PRKD1: variants seen among roughly 807,000 people sequenced by gnomAD.
The protein encoded by PRKD1 is serine/threonine-protein kinase D1.
A neutral mutation model predicts 95.9 loss-of-function variants in PRKD1; 63 were observed. The ratio of observed to expected loss-of-function variants is 0.66; its 90% CI spans 0.54 to 0.81. The LOEUF is 0.81. PRKD1 is among the 30% of genes least tolerant of loss of function. PRKD1 has a pLI of 0.00. For synonymous variants in PRKD1, 425 were observed against 423.1 expected (o/e 1.00, Z -0.05); for missense variants, 1,048 against 1,165.3 (o/e 0.90, Z 1.47).
At chr14:29,779,590 G>A (rs1888945840) in intron 1 of PRKD1, among the ~76,000 whole-genome samples, 1 of 152,032 alleles carries the variant, frequency 6.6e-6, no homozygotes, top group Admixed American at 6.6e-5. Flanking sequence ...GGGATGTGAA[G>A]GACCTCTTCC....
intron 13 of PRKD1, among the ~76,000 whole-genome samples, chr14:29,623,605 C>G (rs968464395): frequency 6.6e-6 from 1 of 152,124 alleles, no homozygotes; most frequent in Non-Finnish European, 1.5e-5. Flanking sequence ...ACCTTTATCA[C>G]ATAATACATT....
intron 1 of PRKD1, among the ~76,000 whole-genome samples, chr14:29,917,240 A>T (rs1051454232): frequency 2.0e-5 from 3 of 152,194 alleles, no homozygotes; most frequent in African/African-American, 7.2e-5. Context: ...TTCCATAATC[A>T]TCCTGTAATT....
In PRKD1 at chr14:29,582,520, T is replaced by C. The variant is rs191971321; in HGVS notation, c.2435-4160A>G. ...ATCTGTTAGTTTCTTCAATATGTAG[T>C]GTGTCCAGCTCTGAACATTTACCCA... On this transcript the variant is annotated intron_variant, in intron 16 of 17. Transcript: ENST00000331968. 3.5e-4 allele frequency among the ~76,000 whole-genome samples: 54 copies of C among 152,330 alleles called. 1 individual carries two copies. The highest frequency in any genetic ancestry group is 6.8e-3 in the Middle Eastern group (2 of 294).
chr14:29,840,052 T>G (rs781053455), intron 1 of PRKD1, among the ~76,000 whole-genome samples: 2 of 152,140 alleles, frequency 1.3e-5, no homozygotes, highest in Non-Finnish European at 2.9e-5. Context: ...GCAGCCACCT[T>G]GAATTTCTCC....
Position 29,596,363 on chromosome 14 carries a change from C to T in PRKD1, c.2434+1128G>A, listed in dbSNP as rs142753855. 6.6e-5 allele frequency among the ~76,000 whole-genome samples: 10 copies of T among 152,246 alleles called. No individual in the cohort carries two copies. In the East Asian group the frequency reaches 1.9e-3, roughly 29 times the overall value. Reference sequence around the variant, plus strand: ...GATATTGCCTGTAAACTAGAAAAGACGTAGGGCTAGTACTGAAAAAAAGTA... The same window carrying T: ...GATATTGCCTGTAAACTAGAAAAGATGTAGGGCTAGTACTGAAAAAAAGTA... On this transcript the variant is annotated intron_variant, in intron 16 of 17. Coordinates refer to ENST00000331968, the MANE Select transcript of PRKD1 (RefSeq NM_002742.3).
intron 16 of PRKD1, among the ~76,000 whole-genome samples, chr14:29,592,978 A>G (rs1181910250): frequency 6.6e-6 from 1 of 152,180 alleles, no homozygotes; most frequent in East Asian, 1.9e-4. Flanking sequence ...AATATCCTGG[A>G]TAAGAGCATC....
chr14:29,673,040 C>G (rs984660872), intron 2 of PRKD1, among the ~76,000 whole-genome samples: 5 of 152,160 alleles, frequency 3.3e-5, no homozygotes, highest in Admixed American at 1.3e-4. Context: ...CGTGAAGGAT[C>G]CTTTATTTCT....
intron 1 of PRKD1, among the ~76,000 whole-genome samples, chr14:29,895,601 C>T (rs75015513): frequency 0.02 from 2,979 of 152,126 alleles, 47 homozygotes; most frequent in East Asian, 0.053. Flanking sequence ...TGAAGTGTCC[C>T]GCGAGGCCCT....
intron 1 of PRKD1, among the ~76,000 whole-genome samples, chr14:29,841,338 T>C (rs1304193137): frequency 6.6e-6 from 1 of 152,072 alleles, no homozygotes; most frequent in Admixed American, 6.6e-5. Context: ...ACATGAGATT[T>C]TGGATGGGCC....
chr14:29,788,139 T>C (rs1889358828), intron 1 of PRKD1, among the ~76,000 whole-genome samples: 1 of 152,190 alleles, frequency 6.6e-6, no homozygotes, highest in African/African-American at 2.4e-5. Context: ...TTTGCTTGTC[T>C]GAAAAATAAT....
chr14:29,711,806 A>G (rs1885346533), intron 2 of PRKD1, among the ~76,000 whole-genome samples: 1 of 152,132 alleles, frequency 6.6e-6, no homozygotes, highest in Non-Finnish European at 1.5e-5. Context: ...TATTTTAGTA[A>G]GTTTGTGTCA....
intron 1 of PRKD1, among the ~76,000 whole-genome samples, chr14:29,798,066 T>C (rs747495521): frequency 6.6e-6 from 1 of 152,202 alleles, no homozygotes; most frequent in Non-Finnish European, 1.5e-5. Context: ...TATTTAAATA[T>C]AAAGGATTGG....
chr14:29,749,578 C>A (rs915677705), intron 1 of PRKD1, among the ~76,000 whole-genome samples: 1 of 152,142 alleles, frequency 6.6e-6, no homozygotes, highest in Non-Finnish European at 1.5e-5. Context: ...ACATTTAACT[C>A]AACTGTTTAC....
intron 1 of PRKD1, among the ~76,000 whole-genome samples, chr14:29,887,347 T>C (rs1893748926): frequency 6.6e-6 from 1 of 152,220 alleles, no homozygotes; most frequent in African/African-American, 2.4e-5. Context: ...ATGCCCTCTA[T>C]ATTGCATGAA....
chr14:29,648,681 G>A (rs1319114994), intron 4 of PRKD1, among the ~76,000 whole-genome samples: 1 of 151,580 alleles, frequency 6.6e-6, no homozygotes, highest in Non-Finnish European at 1.5e-5. Context: ...TTGACAGGGA[G>A]TCTCGCTCTG....
intron 1 of PRKD1, among the ~76,000 whole-genome samples, chr14:29,771,563 T>G (rs774188947): frequency 6.6e-6 from 1 of 152,060 alleles, no homozygotes; most frequent in Non-Finnish European, 1.5e-5. Context: ...TCCATCTAGA[T>G]TTCAAAGGCT....
intron 12 of PRKD1, among the ~76,000 whole-genome samples, chr14:29,624,809 C>A (rs1222644626): frequency 6.6e-6 from 1 of 152,040 alleles, no homozygotes; most frequent in Non-Finnish European, 1.5e-5. Context: ...TATGCACACT[C>A]AAAAATGGTT....
intron 1 of PRKD1, among the ~76,000 whole-genome samples, chr14:29,829,216 T>C (rs1397964630): frequency 6.6e-6 from 1 of 152,188 alleles, no homozygotes; most frequent in Non-Finnish European, 1.5e-5. Context: ...GAATAGAGAT[T>C]AAAAAGCACC....
chr14:29,882,106 C>T (rs1893534531), intron 1 of PRKD1, among the ~76,000 whole-genome samples: 1 of 139,878 alleles, frequency 7.1e-6, no homozygotes, highest in Non-Finnish European at 1.5e-5. Context: ...CAACAGTAAG[C>T]AGTCAATAAA....
Sources: gnomAD v4.1 joint callset for allele counts (sites outside exome capture counted in the v4.1 genomes callset) on GRCh38, gnomAD v4.1.1 for gene constraint, MANE v1.5 for transcripts, NCBI Gene and HGNC (gene_info 2026-07-23, HGNC 2026-07-21) for gene names.